Variants in CRIM1 observed in about 807,000 individuals in gnomAD.
CRIM1 encodes the protein cysteine-rich motor neuron 1 protein.
A neutral mutation model predicts 116.4 loss-of-function variants in CRIM1; 32 were observed. That is an observed-to-expected ratio of 0.27 (90% CI 0.21 to 0.37). The LOEUF is 0.37. Ranked by LOEUF, CRIM1 falls within the 10% of genes least tolerant of loss-of-function variation. The pLI, the probability that CRIM1 is intolerant of heterozygous loss-of-function variation, is 1.00. For missense variants in CRIM1, 1,331 were observed against 1,354.8 expected (o/e 0.98, Z 0.28); for synonymous variants, 590 against 509.2 (o/e 1.16, Z -2.13).
chr2:36,529,297 CT>C (rs1665961040), intron 13 of CRIM1: 1 of 424,098 alleles, frequency 2.4e-6, no homozygotes, highest in Admixed American at 2.8e-5. Flanking sequence ...GATAAAACAT[CT>C]TCTATAGGTG....
intron 5 of CRIM1, among the ~76,000 whole-genome samples, chr2:36,465,906 G>A (rs1055935526): frequency 6.9e-6 from 1 of 144,294 alleles, no homozygotes; most frequent in Non-Finnish European, 1.5e-5. Context: ...TTTTTTTTGA[G>A]ACAGAGTCTC....
intron 13 of CRIM1, among the ~76,000 whole-genome samples, chr2:36,533,703 A>G (rs966660975): frequency 1.4e-4 from 22 of 152,224 alleles, no homozygotes; most frequent in African/African-American, 5.1e-4. Context: ...CAGTGATCTC[A>G]TACAGTTACT....
intron 7 of CRIM1, among the ~76,000 whole-genome samples, chr2:36,483,342 G>T (rs530373608): frequency 1.1e-3 from 161 of 152,336 alleles, no homozygotes; most frequent in Admixed American, 2.3e-3. Flanking sequence ...GTCTTCATCT[G>T]CAGGGCCACT....
intron 4 of CRIM1, among the ~76,000 whole-genome samples, chr2:36,448,592 T>A (rs763605590): frequency 6.6e-5 from 10 of 152,180 alleles, no homozygotes; most frequent in Non-Finnish European, 1.3e-4. Context: ...TCACTGTAAG[T>A]CACGAGTTTT....
Position 36,471,204 on chromosome 2 carries a change from C to G in CRIM1, c.992-5685C>G, listed in dbSNP as rs914814768. Among the ~76,000 whole-genome samples, 6 of 152,108 alleles carry G rather than the reference C, an allele frequency of 3.9e-5. 1 individual carries two copies. The highest frequency in any genetic ancestry group is 2.9e-5 in the Non-Finnish European group (2 of 68,018). Reference sequence around the variant, plus strand: ...TGAGGATGCTGTGACAACATCTTCACCAGATAAAACGACAACCAGGGATTT... The same window carrying G: ...TGAGGATGCTGTGACAACATCTTCAGCAGATAAAACGACAACCAGGGATTT... On this transcript the variant is annotated intron_variant, in intron 5 of 16. Coordinates refer to ENST00000280527, the MANE Select transcript of CRIM1 (RefSeq NM_016441.3).
At chr2:36,480,593 G>A (rs1679333315) in intron 7 of CRIM1, among the ~76,000 whole-genome samples, 1 of 152,166 alleles carries the variant, frequency 6.6e-6, no homozygotes, top group Non-Finnish European at 1.5e-5. Context: ...TCTTTTAAGT[G>A]CGAAGAAATC....
intron 11 of CRIM1, among the ~76,000 whole-genome samples, chr2:36,517,074 G>C (rs1665079030): frequency 6.6e-6 from 1 of 152,122 alleles, no homozygotes; most frequent in African/African-American, 2.4e-5. Flanking sequence ...GTAATTTAAT[G>C]ATCTTATTGA....
At chr2:36,537,063 A>T (rs961166396) in intron 13 of CRIM1, among the ~76,000 whole-genome samples, 1 of 152,086 alleles carries the variant, frequency 6.6e-6, no homozygotes, top group African/African-American at 2.4e-5. Context: ...CTTTTTATCA[A>T]TCTCTTTATC....
At chr2:36,490,019 A>G (rs1404182634) in intron 7 of CRIM1, among the ~76,000 whole-genome samples, 2 of 152,236 alleles carry the variant, frequency 1.3e-5, no homozygotes, top group Middle Eastern at 3.2e-3. Flanking sequence ...AAGATAGCAC[A>G]GACCCACCCA....
At chr2:36,470,271 A>C (rs561667620) in intron 5 of CRIM1, among the ~76,000 whole-genome samples, 12 of 152,186 alleles carry the variant, frequency 7.9e-5, no homozygotes, top group Admixed American at 4.6e-4. Context: ...GGGATGGGAC[A>C]AGCTGCATGT....
At chr2:36,548,383 A>T in intron 16 of CRIM1, 142 bp from the exon 17 acceptor site, 1 of 509,596 alleles carries the variant, frequency 2.0e-6, no homozygotes, top group African/African-American at 2.0e-5. Flanking sequence ...CTAGAACAAG[A>T]TGTGATAATC....
At chr2:36,527,283 T>G (rs2125141701) in intron 13 of CRIM1, among the ~76,000 whole-genome samples, 1 of 152,252 alleles carries the variant, frequency 6.6e-6, no homozygotes, top group South Asian at 2.1e-4. Flanking sequence ...GAAGTGTTTT[T>G]AAGTGTCATA....
At chr2:36,485,995 C>A (rs531238066) in intron 7 of CRIM1, among the ~76,000 whole-genome samples, 2 of 152,306 alleles carry the variant, frequency 1.3e-5, no homozygotes, top group East Asian at 3.9e-4. Flanking sequence ...TAGCAAATGA[C>A]TGTTTCTTAA....
intron 1 of CRIM1, among the ~76,000 whole-genome samples, chr2:36,371,977 G>T (rs1669974770): frequency 6.6e-6 from 1 of 152,214 alleles, no homozygotes; most frequent in Non-Finnish European, 1.5e-5. Context: ...CCAGGATTGT[G>T]TCTTAACAAA....
intron 13 of CRIM1, among the ~76,000 whole-genome samples, chr2:36,524,325 C>T (rs990362582): frequency 1.3e-5 from 2 of 152,206 alleles, no homozygotes; most frequent in African/African-American, 4.8e-5. Context: ...ATTCACGCAA[C>T]AAAATGACAC....
intron 6 of CRIM1, among the ~76,000 whole-genome samples, chr2:36,479,028 G>C (rs3770849): frequency 0.67 from 102,410 of 152,012 alleles, 34,938 homozygotes; most frequent in East Asian, 0.78. Flanking sequence ...CCACATGGTC[G>C]TGCAGGTACA....
intron 1 of CRIM1, among the ~76,000 whole-genome samples, chr2:36,372,513 T>C (rs7422898): frequency 6.6e-6 from 1 of 152,218 alleles, no homozygotes; most frequent in African/African-American, 2.4e-5. Flanking sequence ...CATTTGGTGC[T>C]AAGCTTTTCA....
intron 1 of CRIM1, among the ~76,000 whole-genome samples, chr2:36,390,414 G>T (rs1017986269): frequency 2.6e-5 from 4 of 152,166 alleles, no homozygotes; most frequent in Non-Finnish European, 5.9e-5. Context: ...TTTGCACCTG[G>T]ATCTCTGGTA....
intron 13 of CRIM1, among the ~76,000 whole-genome samples, chr2:36,525,376 C>T (rs191101030): frequency 3.3e-5 from 5 of 152,270 alleles, no homozygotes; most frequent in East Asian, 3.9e-4. Flanking sequence ...ACTAAGAAGT[C>T]CTGACTTCCA....
Sources: gnomAD v4.1 joint callset for allele counts (sites outside exome capture counted in the v4.1 genomes callset) on GRCh38, gnomAD v4.1.1 for gene constraint, MANE v1.5 for transcripts, NCBI Gene and HGNC (gene_info 2026-07-23, HGNC 2026-07-21) for gene names.